NPAS3: variants seen among roughly 807,000 people sequenced by gnomAD.
NPAS3 encodes the protein neuronal PAS domain-containing protein 3.
A neutral mutation model predicts 73.1 loss-of-function variants in NPAS3; 14 were observed. The observed-to-expected ratio is 0.19, with a 90% CI of 0.13 to 0.30. The LOEUF is 0.30. Among genes scored for constraint, NPAS3 ranks in the 10% least tolerant of loss-of-function variants. The probability of loss-of-function intolerance (pLI) is 1.00; values close to 1 mark genes in which losing one functional copy is unlikely to be tolerated. For synonymous variants in NPAS3, 620 were observed against 541.5 expected, an observed-to-expected ratio of 1.14 and a Z score of -2.01; for missense variants, 1,096 against 1,250.0, an observed-to-expected ratio of 0.88 and a Z score of 1.86.
At chr14:33,755,672 AT>A (rs1429662771) in intron 7 of NPAS3, among the ~76,000 whole-genome samples, 2 of 152,128 alleles carry the variant, frequency 1.3e-5, no homozygotes, top group African/African-American at 4.8e-5. Context: ...TTATTTAATA[AT>A]ATTACTGTCT....
At chr14:33,018,711 C>A (rs528659331) in intron 1 of NPAS3, among the ~76,000 whole-genome samples, 1 of 152,096 alleles carries the variant, frequency 6.6e-6, no homozygotes, top group East Asian at 1.9e-4. Flanking sequence ...ATTGGGAAAA[C>A]CATAATTTTA....
intron 2 of NPAS3, among the ~76,000 whole-genome samples, chr14:33,167,844 T>C (rs2045223450): frequency 6.6e-6 from 1 of 152,228 alleles, no homozygotes; most frequent in Admixed American, 6.5e-5. Flanking sequence ...ATTTGCAGCA[T>C]ACCCATGTAA....
intron 9 of NPAS3, among the ~76,000 whole-genome samples, chr14:33,784,751 T>TTTTATTTTTTA (rs2063109814): frequency 6.1e-5 from 7 of 114,872 alleles, no homozygotes; most frequent in Non-Finnish European, 1.2e-4. Context: ...ATTTATTTTT[T>TTTTATTTTTTA]TTTTTTTTTT....
At chr14:33,423,823 G>T (rs1401570639) in intron 4 of NPAS3, among the ~76,000 whole-genome samples, 1 of 151,976 alleles carries the variant, frequency 6.6e-6, no homozygotes, top group Non-Finnish European at 1.5e-5. Context: ...GCAAGTCAAA[G>T]AGAATGACAG....
chr14:33,520,313 G>A (rs994971998), intron 4 of NPAS3, among the ~76,000 whole-genome samples: 7 of 152,072 alleles, frequency 4.6e-5, no homozygotes, highest in African/African-American at 1.7e-4. Context: ...TCAAGAAAGC[G>A]CTTTGAGACG....
At chr14:33,032,144 A>G (rs1566485796) in intron 1 of NPAS3, among the ~76,000 whole-genome samples, 1 of 152,234 alleles carries the variant, frequency 6.6e-6, no homozygotes, top group Non-Finnish European at 1.5e-5. Flanking sequence ...GTGACTGCTC[A>G]TGGTGACCAG....
At chr14:33,264,000 T>C (rs2049074743) in intron 3 of NPAS3, among the ~76,000 whole-genome samples, 2 of 152,216 alleles carry the variant, frequency 1.3e-5, no homozygotes, top group African/African-American at 4.8e-5. Flanking sequence ...CTATTCACAA[T>C]AGCAAAGACT....
At chr14:33,079,465 C>T (rs1353146542) in intron 2 of NPAS3, among the ~76,000 whole-genome samples, 1 of 150,802 alleles carries the variant, frequency 6.6e-6, no homozygotes, top group Non-Finnish European at 1.5e-5. Context: ...ATCACAGGTG[C>T]ACGCCAGCAC....
intron 4 of NPAS3, among the ~76,000 whole-genome samples, chr14:33,469,170 C>T (rs780108447): frequency 6.6e-6 from 1 of 151,444 alleles, no homozygotes; most frequent in Non-Finnish European, 1.5e-5. Flanking sequence ...GGGATGAGGA[C>T]AAAACAAATA....
intron 6 of NPAS3, among the ~76,000 whole-genome samples, chr14:33,678,965 A>G (rs2059851993): frequency 6.6e-6 from 1 of 152,166 alleles, no homozygotes. Context: ...CTGTAGGAGA[A>G]TATATATCTC....
chr14:33,279,176 A>G (rs1251251595), intron 3 of NPAS3, among the ~76,000 whole-genome samples: 1 of 152,112 alleles, frequency 6.6e-6, no homozygotes, highest in Admixed American at 6.6e-5. Flanking sequence ...TTCTCAGGGT[A>G]TTTCATGCTG....
intron 4 of NPAS3, among the ~76,000 whole-genome samples, chr14:33,391,187 CTTT>C (rs370631048): frequency 0.1 from 11,190 of 109,538 alleles, 402 homozygotes; most frequent in African/African-American, 0.17. Flanking sequence ...TGGCCCATAT[CTTT>C]TTTTTTTTTT....
intron 4 of NPAS3, among the ~76,000 whole-genome samples, chr14:33,543,466 AC>A (rs2054613370): frequency 6.6e-6 from 1 of 152,118 alleles, no homozygotes; most frequent in African/African-American, 2.4e-5. Context: ...GTGTTCAAAT[AC>A]AACTGATTTT....
intron 7 of NPAS3, among the ~76,000 whole-genome samples, chr14:33,746,340 C>A (rs1032670973): frequency 1.3e-5 from 2 of 151,814 alleles, no homozygotes; most frequent in African/African-American, 4.8e-5. Context: ...AGATGCCTGC[C>A]ACCATGCCCG....
At chr14:33,061,615 A>G (rs2041102162) in intron 2 of NPAS3, among the ~76,000 whole-genome samples, 1 of 152,200 alleles carries the variant, frequency 6.6e-6, no homozygotes, top group Non-Finnish European at 1.5e-5. Context: ...AAAGTGTATT[A>G]TTTAGGGGTT....
At chr14:32,988,599 A>G (rs147259446) in intron 1 of NPAS3, among the ~76,000 whole-genome samples, 9 of 152,216 alleles carry the variant, frequency 5.9e-5, no homozygotes, top group African/African-American at 2.2e-4. Context: ...ACCTTTTTTT[A>G]TGAGGACCCT....
intron 4 of NPAS3, among the ~76,000 whole-genome samples, chr14:33,555,889 G>GT (rs1555411751): frequency 8.6e-4 from 128 of 148,574 alleles, no homozygotes; most frequent in East Asian, 3.1e-3. Flanking sequence ...AATTGTTGTT[G>GT]GTGTGTCTGT....
intron 5 of NPAS3, among the ~76,000 whole-genome samples, chr14:33,619,182 A>T (rs775808750): frequency 6.6e-6 from 1 of 152,192 alleles, no homozygotes. Flanking sequence ...TTCATATCTC[A>T]TACAAAATTT....
At chr14:33,162,788 A>G (rs1273154613) in intron 2 of NPAS3, among the ~76,000 whole-genome samples, 2 of 152,188 alleles carry the variant, frequency 1.3e-5, no homozygotes, top group Non-Finnish European at 2.9e-5. Context: ...AAATCTGTAC[A>G]TGTGTCAGAA....
Sources: gnomAD v4.1 joint callset for allele counts (sites outside exome capture counted in the v4.1 genomes callset) on GRCh38, gnomAD v4.1.1 for gene constraint, MANE v1.5 for transcripts, NCBI Gene and HGNC (gene_info 2026-07-23, HGNC 2026-07-21) for gene names.